The following AUTS2 variants were observed in gnomAD, a reference collection of about 807,000 sequenced individuals.
The protein encoded by AUTS2 is activator of transcription and developmental regulator AUTS2.
Under a neutral mutation model 112.4 loss-of-function variants are expected in AUTS2, and 17 were observed. The ratio of observed to expected loss-of-function variants is 0.15; its 90% confidence interval spans 0.10 to 0.23. The LOEUF is 0.23. Ranked by LOEUF, AUTS2 falls within the 10% of genes least tolerant of loss-of-function variation. AUTS2 has a pLI of 1.00. For missense variants in AUTS2, 1,510 were observed against 1,701.6 expected, an observed-to-expected ratio of 0.89 and a Z score of 1.98; for synonymous variants, 751 against 702.7, an observed-to-expected ratio of 1.07 and a Z score of -1.09.
chr7:70,078,989 T>G (rs1803172526), intron 2 of AUTS2, among the ~76,000 whole-genome samples: 2 of 152,222 alleles, frequency 1.3e-5, no homozygotes, highest in Admixed American at 1.3e-4. Context: ...TCCCTCAGCT[T>G]CTTTTCTCGA....
chr7:69,716,971 C>T (rs1798642675), intron 1 of AUTS2, among the ~76,000 whole-genome samples: 1 of 152,070 alleles, frequency 6.6e-6, no homozygotes, highest in Non-Finnish European at 1.5e-5. Flanking sequence ...GACTTGTCAC[C>T]CTTCTGGAAA....
chr7:70,068,279 A>G (rs1584668990), intron 2 of AUTS2, among the ~76,000 whole-genome samples: 1 of 150,288 alleles, frequency 6.7e-6, no homozygotes, highest in South Asian at 2.1e-4. Context: ...CCAGGTTCAC[A>G]CCATTCTCCT....
intron 2 of AUTS2, among the ~76,000 whole-genome samples, chr7:69,982,716 A>C (rs1448187005): frequency 6.6e-6 from 1 of 152,198 alleles, no homozygotes; most frequent in Non-Finnish European, 1.5e-5. Flanking sequence ...CGGCCTGGCC[A>C]TTTGCTTAAT....
intron 4 of AUTS2, among the ~76,000 whole-genome samples, chr7:70,402,598 G>T (rs1256940268): frequency 1.3e-5 from 2 of 152,158 alleles, no homozygotes; most frequent in Non-Finnish European, 1.5e-5. Context: ...GGTTTGTAGG[G>T]TACAGAGAGA....
intron 1 of AUTS2, among the ~76,000 whole-genome samples, chr7:69,872,037 C>T (rs1384815311): frequency 6.6e-6 from 1 of 152,218 alleles, no homozygotes; most frequent in East Asian, 1.9e-4. Flanking sequence ...TTTTTCTACT[C>T]ATGGACATGT....
chr7:69,671,159 T>G (rs1305280472), intron 1 of AUTS2, among the ~76,000 whole-genome samples: 2 of 152,224 alleles, frequency 1.3e-5, no homozygotes, highest in Non-Finnish European at 2.9e-5. Context: ...ATTTTTTACT[T>G]GATTTGCTTG....
intron 6 of AUTS2, among the ~76,000 whole-genome samples, chr7:70,758,662 T>C (rs1789373726): frequency 6.6e-6 from 1 of 152,240 alleles, no homozygotes. Context: ...TAAATAAGAC[T>C]ACTCAATTTG....
intron 3 of AUTS2, among the ~76,000 whole-genome samples, chr7:70,134,327 C>T (rs553173705): frequency 2.0e-5 from 3 of 152,200 alleles, no homozygotes; most frequent in Non-Finnish European, 2.9e-5. Context: ...GTAAATAGCA[C>T]GTTAGCATCT....
chr7:70,609,455 T>A (rs38297), intron 5 of AUTS2, among the ~76,000 whole-genome samples: 1 of 147,310 alleles, frequency 6.8e-6, no homozygotes, highest in Admixed American at 6.8e-5. Flanking sequence ...AGTGCAGTGG[T>A]GTGATCTCGG....
At chr7:69,771,200 C>T (rs555217724) in intron 1 of AUTS2, among the ~76,000 whole-genome samples, 2 of 152,378 alleles carry the variant, frequency 1.3e-5, no homozygotes, top group South Asian at 4.1e-4. Context: ...ACCCAGCGAT[C>T]TTCCTGTATG....
At chr7:69,698,936 A>G (rs1797678281) in intron 1 of AUTS2, among the ~76,000 whole-genome samples, 1 of 152,130 alleles carries the variant, frequency 6.6e-6, no homozygotes, top group African/African-American at 2.4e-5. Context: ...AGATTTCCCA[A>G]TGTCATATAT....
chr7:70,147,800 C>T (rs947926179), intron 4 of AUTS2, among the ~76,000 whole-genome samples: 20 of 152,028 alleles, frequency 1.3e-4, no homozygotes, highest in Admixed American at 3.9e-4. Context: ...CCAAGAATCA[C>T]GGAAAGGATC....
chr7:70,008,695 G>A (rs1293228289), intron 2 of AUTS2, among the ~76,000 whole-genome samples: 2 of 152,186 alleles, frequency 1.3e-5, no homozygotes, highest in Admixed American at 6.5e-5. Context: ...ATTAAAGGAA[G>A]TAAAACGTGA....
intron 4 of AUTS2, among the ~76,000 whole-genome samples, chr7:70,252,758 T>G (rs1584935327): frequency 1.3e-5 from 2 of 152,192 alleles, no homozygotes; most frequent in Non-Finnish European, 2.9e-5. Flanking sequence ...GAGTTTATTT[T>G]TGTAAAAGGT....
At chr7:69,852,568 T>G (rs1792533882) in intron 1 of AUTS2, among the ~76,000 whole-genome samples, 1 of 152,170 alleles carries the variant, frequency 6.6e-6, no homozygotes, top group African/African-American at 2.4e-5. Flanking sequence ...TTCTCCTGCC[T>G]CAGCCTCCTG....
At position 70,153,367 on chromosome 7, in the gene AUTS2, A is replaced by G. The variant is rs567710937; in HGVS notation, c.660+18796A>G. Reference sequence around the variant, plus strand: ...CCAATTTATATAAAATGCTAGAAAAAGCTGTTTAATCTACAGTGACATAAA... The same window carrying G: ...CCAATTTATATAAAATGCTAGAAAAGGCTGTTTAATCTACAGTGACATAAA... On this transcript the variant is annotated intron_variant, in intron 4 of 18. Transcript: ENST00000342771. Among the ~76,000 whole-genome samples, 4 of 152,328 alleles carry G rather than the reference A, an allele frequency of 2.6e-5. No homozygotes were observed. In the East Asian group the frequency reaches 7.7e-4, roughly 29 times the overall value.
At position 70,766,199 on chromosome 7, in the gene AUTS2, C is replaced by G. The variant is rs761323917; in HGVS notation, c.1554C>G (p.Pro518=). 9.3e-6 allele frequency: 15 copies of G among 1,614,060 alleles called. No homozygotes were observed. The highest frequency in any genetic ancestry group is 1.6e-4 in the Middle Eastern group (1 of 6,084). Residue 518 remains proline (P), a synonymous_variant, in exon 9 of 19, where the codon CCC becomes CCG. Coordinates refer to ENST00000342771, the MANE Select transcript of AUTS2 (RefSeq NM_015570.4). This position sits in a 1 kb window ranked among gnomAD's most constrained non-coding sequence, Gnocchi z 4.8. The part of the protein sequence containing the change: ...ADRGASLGPP[P]YLRTEFHQHQ... The stretch of plus-strand genomic sequence containing the variant: ...GCGGGGCTTCCCTGGGCCCTCCGCC[C>G]TACCTGCGGACCGAGTTCCATCAGC...
At chr7:69,720,244 T>C (rs1758847048) in intron 1 of AUTS2, among the ~76,000 whole-genome samples, 1 of 152,178 alleles carries the variant, frequency 6.6e-6, no homozygotes, top group African/African-American at 2.4e-5. Flanking sequence ...GTGTTTTGAG[T>C]TTTGGTCTAC....
intron 1 of AUTS2, among the ~76,000 whole-genome samples, chr7:69,688,475 T>C (rs773534635): frequency 5.6e-4 from 86 of 152,374 alleles, no homozygotes; most frequent in Non-Finnish European, 1.0e-3. Flanking sequence ...AGAGGGTTCA[T>C]GTTTGTTTAT....
Sources: gnomAD v4.1 joint callset for allele counts (sites outside exome capture counted in the v4.1 genomes callset) on GRCh38, gnomAD v4.1.1 for gene constraint, Gnocchi (gnomAD v3.1) non-coding constraint, MANE v1.5 for transcripts, NCBI Gene and HGNC (gene_info 2026-07-23, HGNC 2026-07-21) for gene names.